The following ZNF385D variants were observed in gnomAD, a reference collection of about 807,000 sequenced individuals.
ZNF385D encodes the protein zinc finger protein 385D.
A neutral mutation model predicts 35.8 loss-of-function variants in ZNF385D; 15 were observed. The observed-to-expected ratio is 0.42, with a 90% confidence interval of 0.28 to 0.64. The LOEUF (loss-of-function observed/expected upper bound fraction) is 0.64. ZNF385D is among the 30% of genes least tolerant of loss of function. The probability of loss-of-function intolerance (pLI) is 0.23; values close to 1 mark genes in which losing one functional copy is unlikely to be tolerated. For synonymous variants in ZNF385D, 212 were observed against 186.8 expected (o/e 1.13, Z -1.10); for missense variants, 474 against 494.6 (o/e 0.96, Z 0.39).
At chr3:21,446,741 C>T (rs989628586) in intron 4 of ZNF385D, among the ~76,000 whole-genome samples, 6 of 151,988 alleles carry the variant, frequency 3.9e-5, no homozygotes, top group African/African-American at 1.5e-4. Flanking sequence ...GATCCGCCCT[C>T]CTCAGCCTCC....
chr3:21,502,698 C>T (rs1706470842), intron 4 of ZNF385D, among the ~76,000 whole-genome samples: 1 of 152,112 alleles, frequency 6.6e-6, no homozygotes, highest in African/African-American at 2.4e-5. Flanking sequence ...CTTTTTCCCC[C>T]ACTTCTGAAT....
At chr3:22,227,092 C>A (rs377162426) in intron 2 of ZNF385D, among the ~76,000 whole-genome samples, 3 of 151,846 alleles carry the variant, frequency 2.0e-5, no homozygotes, top group African/African-American at 7.3e-5. Context: ...ATAAGGTGTC[C>A]AGCTATTTGT....
Position 21,680,164 on chromosome 3 carries a change from TTTCA to T in ZNF385D, c.23-15140_23-15137del, listed in dbSNP as rs545867876. Among the ~76,000 whole-genome samples the T allele has an allele frequency of 2.8e-3, 427 of 152,206 alleles. 3 individuals carry two copies. Among genetic ancestry groups the T allele is most frequent in the African/African-American group, 9.6e-3 (397 of 41,556 alleles). ...CTCTTCTCTCTTGGCTGCCCTCATC[TTTCA>T]TTCCTCTCAGATTTACTTCTTGGCT... On this transcript the variant is annotated intron_variant, in intron 1 of 7. Coordinates refer to ENST00000281523, the MANE Select transcript of ZNF385D (RefSeq NM_024697.3).
intron 4 of ZNF385D, among the ~76,000 whole-genome samples, chr3:21,491,936 C>T (rs1705454364): frequency 6.6e-6 from 1 of 151,992 alleles, no homozygotes; most frequent in African/African-American, 2.4e-5. Context: ...GGTAAAGCTA[C>T]ACACACACAG....
intron 3 of ZNF385D, among the ~76,000 whole-genome samples, chr3:21,917,885 C>G (rs1317843161): frequency 6.6e-6 from 1 of 152,120 alleles, no homozygotes; most frequent in Non-Finnish European, 1.5e-5. Flanking sequence ...AGTCATTAAG[C>G]AAAATATATA....
At chr3:22,261,631 A>T (rs905056598) in intron 2 of ZNF385D, among the ~76,000 whole-genome samples, 1 of 151,898 alleles carries the variant, frequency 6.6e-6, no homozygotes, top group Non-Finnish European at 1.5e-5. Context: ...TACCTGGACT[A>T]AGCTAATGGA....
chr3:21,612,527 A>T (rs73819323), intron 2 of ZNF385D, among the ~76,000 whole-genome samples: 4,100 of 152,324 alleles, frequency 0.027, 190 homozygotes, highest in African/African-American at 0.094. Flanking sequence ...ATATTTAACT[A>T]TGTATACTAC....
intron 2 of ZNF385D, among the ~76,000 whole-genome samples, chr3:22,190,819 C>G (rs1470272828): frequency 1.3e-5 from 2 of 151,752 alleles, no homozygotes; most frequent in African/African-American, 4.8e-5. Flanking sequence ...GATTTCCATT[C>G]TTATAATTTG....
intron 3 of ZNF385D, among the ~76,000 whole-genome samples, chr3:22,139,663 T>C (rs1175302509): frequency 3.3e-5 from 5 of 152,002 alleles, no homozygotes; most frequent in Non-Finnish European, 5.9e-5. Flanking sequence ...ATACCTAATG[T>C]TAAATGACGA....
At chr3:22,044,659 C>T (rs1032145887) in intron 3 of ZNF385D, among the ~76,000 whole-genome samples, 1 of 151,980 alleles carries the variant, frequency 6.6e-6, no homozygotes, top group Admixed American at 6.6e-5. Flanking sequence ...ATACAGGGCA[C>T]AGATTTATCC....
chr3:22,058,945 T>C (rs1699552753), intron 3 of ZNF385D, among the ~76,000 whole-genome samples: 1 of 152,196 alleles, frequency 6.6e-6, no homozygotes, highest in South Asian at 2.1e-4. Flanking sequence ...TCTTCAGGAA[T>C]ATTTACTAGC....
intron 1 of ZNF385D, among the ~76,000 whole-genome samples, chr3:21,671,820 A>C (rs1311957934): frequency 1.3e-5 from 2 of 152,124 alleles, no homozygotes; most frequent in Non-Finnish European, 2.9e-5. Context: ...TTGTGAAGGA[A>C]TATTCAGTAT....
intron 3 of ZNF385D, among the ~76,000 whole-genome samples, chr3:21,852,037 T>C (rs1696416370): frequency 6.6e-6 from 1 of 152,028 alleles, no homozygotes; most frequent in South Asian, 2.1e-4. Context: ...ACTTCTTATC[T>C]TTTTTATTTT....
chr3:21,782,773 C>T (rs1272215725), intron 3 of ZNF385D, among the ~76,000 whole-genome samples: 3 of 152,010 alleles, frequency 2.0e-5, no homozygotes, highest in Admixed American at 6.6e-5. Flanking sequence ...TAGTTCTCTA[C>T]CATTACTCTT....
intron 3 of ZNF385D, among the ~76,000 whole-genome samples, chr3:21,837,585 T>A (rs1695406497): frequency 6.6e-6 from 1 of 151,848 alleles, no homozygotes; most frequent in African/African-American, 2.4e-5. Context: ...ATTTAAAAGG[T>A]TGGAGAGGCC....
chr3:22,200,707 C>T (rs917622355), intron 2 of ZNF385D, among the ~76,000 whole-genome samples: 1 of 152,082 alleles, frequency 6.6e-6, no homozygotes, highest in African/African-American at 2.4e-5. Flanking sequence ...TTCACCCCTA[C>T]AGTCTACAGG....
chr3:22,342,254 G>A (rs1210901301), intron 2 of ZNF385D, among the ~76,000 whole-genome samples: 1 of 132,512 alleles, frequency 7.5e-6, no homozygotes, highest in Non-Finnish European at 1.5e-5. Flanking sequence ...TCCAGCCTGG[G>A]CGACAGAGCA....
chr3:21,637,057 T>A (rs2065472153), intron 2 of ZNF385D, among the ~76,000 whole-genome samples: 1 of 152,108 alleles, frequency 6.6e-6, no homozygotes, highest in Non-Finnish European at 1.5e-5. Context: ...GTTGTCTGTT[T>A]ATTCTGCTGA....
intron 4 of ZNF385D, among the ~76,000 whole-genome samples, chr3:21,455,873 G>A (rs2125296086): frequency 6.6e-6 from 1 of 151,592 alleles, no homozygotes; most frequent in East Asian, 2.0e-4. Flanking sequence ...AATCTACAAT[G>A]AACTCAAACA....
Sources: gnomAD v4.1 joint callset for allele counts (sites outside exome capture counted in the v4.1 genomes callset) on GRCh38, gnomAD v4.1.1 for gene constraint, MANE v1.5 for transcripts, NCBI Gene and HGNC (gene_info 2026-07-23, HGNC 2026-07-21) for gene names.